ABCA3: variants seen among roughly 807,000 people sequenced by gnomAD.
ABCA3 encodes the protein ATP binding cassette subfamily A member 3.
Under a neutral mutation model 172.8 loss-of-function variants are expected in ABCA3, and 88 were observed. That is an observed-to-expected ratio of 0.51 (90% CI 0.43 to 0.61). The LOEUF is 0.61. Ranked by LOEUF, ABCA3 falls within the 20% of genes least tolerant of loss-of-function variation. The pLI is 0.00. For missense variants in ABCA3, 2,164 were observed against 2,301.0 expected (o/e 0.94, Z 1.22); for synonymous variants, 1,066 against 983.8 (o/e 1.08, Z -1.56).
At chr16:2,291,068 G>T (rs2093671286) in intron 19 of ABCA3, among the ~76,000 whole-genome samples, 1 of 152,092 alleles carries the variant, frequency 6.6e-6, no homozygotes, top group Admixed American at 6.6e-5. Context: ...TGGTGGCTGG[G>T]GGTGGTGGCT....
At chr16:2,307,016 CAA>C (rs201661615) in intron 11 of ABCA3, among the ~76,000 whole-genome samples, 10,846 of 63,758 alleles carry the variant, frequency 0.17, 89 homozygotes, top group African/African-American at 0.2. Context: ...GACTCCGTCT[CAA>C]AAAAAAAAAA....
At chr16:2,296,554 C>G (rs1274647023) in intron 17 of ABCA3, among the ~76,000 whole-genome samples, 1 of 152,186 alleles carries the variant, frequency 6.6e-6, no homozygotes, top group Non-Finnish European at 1.5e-5. Flanking sequence ...TCTTTAGAGA[C>G]AAGGATGCCA....
chr16:2,307,800 T>C (rs1350244723), intron 11 of ABCA3, among the ~76,000 whole-genome samples: 3 of 151,922 alleles, frequency 2.0e-5, no homozygotes, highest in Non-Finnish European at 2.9e-5. Context: ...AGAGACAGGG[T>C]TTCACCTTGT....
Position 2,277,965 on chromosome 16 carries a change from C to T in ABCA3, c.4823G>A (p.Gly1608Asp), listed in dbSNP as rs1329130237. ...PQHLKSKFGSGYSLRAKVQSE... is the reference protein window; with the variant it reads ...PQHLKSKFGSDYSLRAKVQSE... ...CTGCACCTTGGCCCGCAGGGAGTAGCCGCTGCCGAACTTGCTCTTGAGGTG... is the reference window on the plus strand; with the variant it reads ...CTGCACCTTGGCCCGCAGGGAGTAGTCGCTGCCGAACTTGCTCTTGAGGTG... The change falls in exon 31 of 33, where the codon GGC (glycine) becomes GAC (aspartate). Residue 1608 changes from glycine (G) to aspartate (D), a missense_variant. By Grantham distance (94) the Gly-to-Asp change is moderately conservative (BLOSUM62 -1). Around this residue, in one of 3 missense-constraint regions of ABCA3, gnomAD observed 795 missense variants for 881.9 expected, o/e 0.90. Transcript: ENST00000301732. The surrounding 1 kb of genome is among the most constrained non-coding windows in gnomAD (Gnocchi z 5.3). 2 of 1,612,830 alleles carry T rather than the reference C, an allele frequency of 1.2e-6. No individual in the cohort carries two copies.
chr16:2,340,252 G>T (rs1473989170), intron 1 of ABCA3, among the ~76,000 whole-genome samples: 2 of 152,268 alleles, frequency 1.3e-5, no homozygotes, highest in Non-Finnish European at 1.5e-5. Flanking sequence ...GCCGTGCCGA[G>T]TCTCCGCAGG....
intron 5 of ABCA3, 114 bp downstream of exon 5, chr16:2,325,896 G>T (rs2093733411): frequency 1.4e-6 from 2 of 1,461,370 alleles, no homozygotes; most frequent in South Asian, 2.3e-5. Context: ...GGCCAAGTCT[G>T]CACAGGGTGA....
rs1567335243 is a variant in ABCA3 at position 2,277,618 on chromosome 16, G to GC, written c.4961dup (p.Arg1655ProfsTer2). ...TCACCTTCGCCCAGCTGAGGTCACG[G>GC]CCCGGCAGGTGGTAATGGACCATGC... On this transcript the variant is annotated frameshift_variant, in exon 32 of 33. Coordinates refer to ENST00000301732, the MANE Select transcript of ABCA3 (RefSeq NM_001089.3). LOFTEE classifies it high-confidence loss of function. The surrounding 1 kb of genome is among the most constrained non-coding windows in gnomAD (Gnocchi z 5.3). The GC allele has an allele frequency of 6.2e-7, 1 of 1,613,138 alleles. No individual in the cohort carries two copies. The highest frequency in any genetic ancestry group is 1.7e-5 in the Admixed American group (1 of 60,020).
chr16:2,298,332 A>G, intron 15 of ABCA3, 54 bp downstream of exon 15: 1 of 1,610,722 alleles, frequency 6.2e-7, no homozygotes, highest in South Asian at 1.1e-5. Context: ...ACTGCCCCAG[A>G]AACTCGAGCA....
At chr16:2,282,206 C>G (rs140208158) in intron 26 of ABCA3, among the ~76,000 whole-genome samples, 11 of 152,322 alleles carry the variant, frequency 7.2e-5, no homozygotes, top group Admixed American at 3.3e-4. Flanking sequence ...GCTTAAGCCT[C>G]CTGTCTCAGC....
intron 11 of ABCA3, among the ~76,000 whole-genome samples, chr16:2,307,589 C>T (rs1306268348): frequency 6.6e-6 from 1 of 151,974 alleles, no homozygotes; most frequent in Non-Finnish European, 1.5e-5. Context: ...AAACCCTAGA[C>T]TTTGAGATCT....
At chr16:2,289,399 T>TGC in intron 20 of ABCA3, 35 bp downstream of exon 20, 7 of 1,544,354 alleles carry the variant, frequency 4.5e-6, no homozygotes, top group Non-Finnish European at 8.7e-7. Flanking sequence ...TGCTCGCCCT[T>TGC]CCCCCGCCAC....
chr16:2,289,746 T>A, intron 19 of ABCA3, 126 bp from the exon 20 acceptor site: 2 of 983,624 alleles, frequency 2.0e-6, no homozygotes, highest in Non-Finnish European at 3.0e-6. Flanking sequence ...TGCATCTGCT[T>A]ATGTGTTTCC....
At chr16:2,288,601 G>A (rs1456137498) in intron 20 of ABCA3, among the ~76,000 whole-genome samples, 2 of 152,150 alleles carry the variant, frequency 1.3e-5, no homozygotes, top group African/African-American at 4.8e-5. Context: ...TGTCACTGGG[G>A]GTGGAGTGCA....
chr16:2,277,755 G>A lies in ABCA3; in HGVS notation c.4910-85C>T, dbSNP rs373929564. 57 of 1,594,056 alleles carry A rather than the reference G, an allele frequency of 3.6e-5. No individual in the cohort carries two copies. Among genetic ancestry groups the A allele is most frequent in the East Asian group, 1.8e-4 (8 of 44,310 alleles). ...CTGGGTGCTCAGCACTGGAGTCCTC[G>A]TCCCAGGGATTGGGGAGATGGGACT... On this transcript the variant is annotated intron_variant, in intron 31 of 32. Transcript: ENST00000301732. The surrounding 1 kb of genome is among the most constrained non-coding windows in gnomAD (Gnocchi z 5.3).
In ABCA3 at chr16:2,286,888, G is replaced by A; in HGVS notation, c.3084C>T (p.Ser1028=). ...GFNERCLVAA[S]FRDVGERTVV... is the part of the protein sequence containing the mutation. ...CCGTGCGCTCTCCCACATCTCTGAA[G>A]GACGCTGCCACAAGGCACCGCTCAT... Residue 1028 remains serine (S), a synonymous_variant, in exon 22 of 33, where the codon TCC becomes TCT. Coordinates refer to ENST00000301732, the MANE Select transcript of ABCA3 (RefSeq NM_001089.3). The surrounding 1 kb of genome is among the most constrained non-coding windows in gnomAD (Gnocchi z 5.2). 1 of 1,614,076 alleles carries A rather than the reference G, an allele frequency of 6.2e-7. No individual in the cohort carries two copies. Among genetic ancestry groups the A allele is most frequent in the Non-Finnish European group, 8.5e-7 (1 of 1,180,018 alleles).
chr16:2,306,956 A>C (rs1228420205), intron 11 of ABCA3, among the ~76,000 whole-genome samples: 2 of 144,040 alleles, frequency 1.4e-5, no homozygotes, highest in Non-Finnish European at 3.0e-5. Context: ...CGGAGCTTGC[A>C]GTGAGCCGAG....
chr16:2,300,189 G>C, intron 12 of ABCA3, 41 bp from the exon 13 acceptor site: 1 of 1,612,088 alleles, frequency 6.2e-7, no homozygotes, highest in Non-Finnish European at 8.5e-7. Flanking sequence ...TTTTGTTTGT[G>C]ACGAGCAAAG....
rs952303865 is a variant in ABCA3 at position 2,303,428 on chromosome 16, GT to G, written c.1467+540del. On this transcript the variant is annotated intron_variant, in intron 12 of 32. Coordinates refer to ENST00000301732, the MANE Select transcript of ABCA3 (RefSeq NM_001089.3). ...AGGCACCCGCCATCACACCCGGCTA[GT>G]TTTTTTTTTATTTTTTATTTTTAGT... Among the ~76,000 whole-genome samples, 15 of 148,812 alleles carry G rather than the reference GT, an allele frequency of 1.0e-4. No individual in the cohort carries two copies. In the East Asian group the frequency reaches 1.6e-3, roughly 16 times the overall value.
intron 12 of ABCA3, among the ~76,000 whole-genome samples, chr16:2,302,203 CCT>C (rs1167376189): frequency 1.3e-5 from 2 of 152,266 alleles, no homozygotes; most frequent in East Asian, 1.9e-4. Flanking sequence ...CTGTGAGACC[CCT>C]GATTTCCCAC....
Sources: gnomAD v4.1 joint callset for allele counts (sites outside exome capture counted in the v4.1 genomes callset) on GRCh38, gnomAD v4.1.1 for gene constraint, gnomAD v4.1.1 regional missense constraint, Gnocchi (gnomAD v3.1) non-coding constraint, MANE v1.5 for transcripts, NCBI Gene and HGNC (gene_info 2026-07-23, HGNC 2026-07-21) for gene names.